Variants in IL12RB2 observed in about 807,000 individuals in gnomAD.
The protein encoded by IL12RB2 is interleukin-12 receptor subunit beta-2.
In IL12RB2, 82 loss-of-function variants were observed where a neutral mutation model predicts 89.4. That is an observed-to-expected ratio of 0.92 (90% CI 0.77 to 1.10). The LOEUF is 1.10. IL12RB2 is among the 50% of genes least tolerant of loss of function. The pLI is 0.00. For missense variants in IL12RB2, 963 were observed against 1,031.9 expected (o/e 0.93, Z 0.92); for synonymous variants, 368 against 370.1 (o/e 0.99, Z 0.07).
intron 9 of IL12RB2, among the ~76,000 whole-genome samples, chr1:67,344,279 G>A (rs368133853): frequency 6.6e-6 from 1 of 152,264 alleles, no homozygotes. Flanking sequence ...AGAAACAGGT[G>A]AAATTAATTT....
At chr1:67,342,089 AT>A in intron 9 of IL12RB2, among the ~76,000 whole-genome samples, 1 of 152,204 alleles carries the variant, frequency 6.6e-6, no homozygotes, top group Non-Finnish European at 1.5e-5. Flanking sequence ...CAAGGGAGTT[AT>A]CTAAGTGTCA....
chr1:67,354,739 G>A (rs1354656157), intron 10 of IL12RB2, among the ~76,000 whole-genome samples: 1 of 152,124 alleles, frequency 6.6e-6, no homozygotes, highest in Non-Finnish European at 1.5e-5. Flanking sequence ...TGATCTGTAG[G>A]GGTAGAACAT....
At chr1:67,354,074 G>T (rs1406626895) in intron 10 of IL12RB2, among the ~76,000 whole-genome samples, 1 of 152,180 alleles carries the variant, frequency 6.6e-6, no homozygotes, top group Non-Finnish European at 1.5e-5. Context: ...TTAGCCAAGG[G>T]GGAGGGTCAG....
intron 13 of IL12RB2, among the ~76,000 whole-genome samples, chr1:67,377,373 C>T (rs929257160): frequency 1.3e-5 from 2 of 152,066 alleles, no homozygotes; most frequent in Non-Finnish European, 2.9e-5. Flanking sequence ...CCTGTGATCA[C>T]CAGCATAGAT....
intron 10 of IL12RB2, among the ~76,000 whole-genome samples, chr1:67,353,752 A>G (rs373663887): frequency 2.6e-5 from 4 of 152,174 alleles, no homozygotes; most frequent in Non-Finnish European, 5.9e-5. Flanking sequence ...TCAGTGGCTA[A>G]GTACTGTGTA....
intron 2 of IL12RB2, among the ~76,000 whole-genome samples, chr1:67,317,666 A>G (rs2100564361): frequency 6.6e-6 from 1 of 152,302 alleles, no homozygotes; most frequent in Middle Eastern, 3.4e-3. Flanking sequence ...TAGGGCATGG[A>G]CATCTTTGGT....
At chr1:67,375,939 C>T (rs964240106) in intron 13 of IL12RB2, among the ~76,000 whole-genome samples, 6 of 151,472 alleles carry the variant, frequency 4.0e-5, no homozygotes, top group South Asian at 4.2e-4. Context: ...CTCTGCCTCC[C>T]GGGTTCACGC....
At chr1:67,334,162 C>T (rs1569854052) in intron 8 of IL12RB2, among the ~76,000 whole-genome samples, 2 of 152,288 alleles carry the variant, frequency 1.3e-5, no homozygotes, top group South Asian at 4.1e-4. Context: ...AATTCATGCA[C>T]TCATTTGTAA....
chr1:67,386,028 G>T (rs1426588705), intron 14 of IL12RB2, among the ~76,000 whole-genome samples: 2 of 151,684 alleles, frequency 1.3e-5, no homozygotes, highest in Admixed American at 1.3e-4. Flanking sequence ...GGCCAATATG[G>T]TGAAACCCTG....
chr1:67,369,274 G>C (rs558777012), intron 11 of IL12RB2, among the ~76,000 whole-genome samples: 3 of 152,348 alleles, frequency 2.0e-5, no homozygotes, highest in African/African-American at 7.2e-5. Flanking sequence ...CCTAGAAAGA[G>C]AATTCTAGAT....
chr1:67,309,939 C>T (rs1313050325), intron 1 of IL12RB2, among the ~76,000 whole-genome samples: 1 of 151,958 alleles, frequency 6.6e-6, no homozygotes, highest in Non-Finnish European at 1.5e-5. Context: ...CTTTGGGAGG[C>T]CGAGGTGGGG....
chr1:67,322,017 T>G, intron 4 of IL12RB2, 128 bp downstream of exon 4: 1 of 833,534 alleles, frequency 1.2e-6, no homozygotes. Context: ...CATTGAAGTA[T>G]TTTATCTTGA....
At chr1:67,360,156 C>T (rs1392204029) in intron 10 of IL12RB2, among the ~76,000 whole-genome samples, 1 of 152,246 alleles carries the variant, frequency 6.6e-6, no homozygotes, top group South Asian at 2.1e-4. Context: ...AATCCCAACA[C>T]TTTGGGAGGC....
chr1:67,324,556 A>G (rs1452430967), intron 4 of IL12RB2, among the ~76,000 whole-genome samples: 6 of 151,938 alleles, frequency 3.9e-5, no homozygotes, highest in Non-Finnish European at 7.4e-5. Flanking sequence ...GGGTTTCACC[A>G]TGTTACCCAG....
chr1:67,328,247 T>G lies in IL12RB2; in HGVS notation c.527T>G (p.Ile176Ser). The G allele has an allele frequency of 6.2e-7, 1 of 1,614,090 alleles. No homozygotes were observed. The highest frequency in any genetic ancestry group is 8.5e-7 in the Non-Finnish European group (1 of 1,179,968). ...NLTWQKQCKD[I>S]YCDYLDFGIN... ...ACCTGGCAGAAGCAATGTAAAGACA[T>G]TTATTGTGACTATTTGGACTTTGGA... is the stretch of plus-strand genomic sequence containing the variant. Residue 176 changes from isoleucine (I) to serine (S), a missense_variant, in exon 6 of 17, where the codon ATT becomes AGT. By Grantham distance (142) the Ile-to-Ser change is moderately radical (BLOSUM62 -2). Coordinates refer to ENST00000674203, the MANE Select transcript of IL12RB2 (RefSeq NM_001374259.2).
At chr1:67,329,510 A>G in intron 6 of IL12RB2, 77 bp from the exon 7 acceptor site, 1 of 877,268 alleles carries the variant, frequency 1.1e-6, no homozygotes, top group Non-Finnish European at 2.0e-6. Context: ...CAAACTCTTT[A>G]TAGCTCATGC....
chr1:67,338,716 C>T lies in IL12RB2; in HGVS notation c.1038+13C>T, dbSNP rs753425797. 15 of 1,320,372 alleles carry T rather than the reference C, an allele frequency of 1.1e-5. No homozygotes were observed. The highest frequency in any genetic ancestry group is 6.9e-5 in the East Asian group (3 of 43,592). The allele number at this position is 1,320,372 out of a possible 1,614,324, so 81.8% of individuals were successfully genotyped here. A position where few individuals can be genotyped will look rare whatever the true frequency, so the allele number is the denominator to read the frequency against. ...TCTTTTCTGGAAGGTGAGTTTTAAG[C>T]GTCAACTTAAAACTCAAGGGAATAA... On this transcript the variant is annotated intron_variant, in intron 9 of 16. Coordinates refer to ENST00000674203, the MANE Select transcript of IL12RB2 (RefSeq NM_001374259.2).
At chr1:67,339,650 C>A (rs1184671419) in intron 9 of IL12RB2, among the ~76,000 whole-genome samples, 1 of 152,136 alleles carries the variant, frequency 6.6e-6, no homozygotes, top group African/African-American at 2.4e-5. Flanking sequence ...GCTGGCATTA[C>A]CATTTTATTT....
At chr1:67,324,553 A>T (rs1010807270) in intron 4 of IL12RB2, among the ~76,000 whole-genome samples, 3 of 151,732 alleles carry the variant, frequency 2.0e-5, no homozygotes, top group Non-Finnish European at 2.9e-5. Context: ...ACAGGGTTTC[A>T]CCATGTTACC....
Sources: gnomAD v4.1 joint callset for allele counts (sites outside exome capture counted in the v4.1 genomes callset) on GRCh38, gnomAD v4.1.1 for gene constraint, MANE v1.5 for transcripts, NCBI Gene and HGNC (gene_info 2026-07-23, HGNC 2026-07-21) for gene names.